Variants in NRXN3 observed in about 807,000 individuals in gnomAD.
NRXN3 encodes the protein neurexin 3, also known as neurexin III.
In NRXN3, 32 loss-of-function variants were observed where a neutral mutation model predicts 137.6. The observed-to-expected ratio is 0.23, with a 90% CI of 0.18 to 0.31. The LOEUF (loss-of-function observed/expected upper bound fraction) is 0.31, where lower values mean the gene tolerates loss of function less well. Ranked by LOEUF, NRXN3 falls within the 10% of genes least tolerant of loss-of-function variation. The pLI is 1.00. For synonymous variants in NRXN3, 798 were observed against 784.5 expected, an observed-to-expected ratio of 1.02 and a Z score of -0.29; for missense variants, 1,574 against 2,062.5, an observed-to-expected ratio of 0.76 and a Z score of 4.59.
intron 19 of NRXN3, among the ~76,000 whole-genome samples, chr14:79,783,072 C>T (rs2099118865): frequency 6.6e-6 from 1 of 152,196 alleles, no homozygotes; most frequent in African/African-American, 2.4e-5. Flanking sequence ...TTACCACTGC[C>T]TATCTTTCAG....
chr14:79,821,218 T>C (rs1342888159), intron 20 of NRXN3, among the ~76,000 whole-genome samples: 1 of 152,200 alleles, frequency 6.6e-6, no homozygotes, highest in Non-Finnish European at 1.5e-5. Flanking sequence ...TTTCTCCCTT[T>C]CTGCTTACAA....
Position 78,683,460 on chromosome 14 carries a change from C to T in NRXN3, c.1222-25757C>T, listed in dbSNP as rs542080602. ...GCAAGAGGTGCTGGTCCATTTTAGA[C>T]GTGCTTTATTTAGTTTGTAGAAAAA... On this transcript the variant is annotated intron_variant, in intron 6 of 20. Transcript: ENST00000335750. 7.9e-5 allele frequency among the ~76,000 whole-genome samples: 12 copies of T among 152,256 alleles called. No homozygotes were observed. The East Asian group carries it at 9.6e-4, about 12-fold the overall frequency.
chr14:78,318,475 G>C (rs1004602724), intron 4 of NRXN3, among the ~76,000 whole-genome samples: 32 of 152,138 alleles, frequency 2.1e-4, no homozygotes, highest in Admixed American at 2.0e-3. Flanking sequence ...TAACAGAGTG[G>C]CTCTCAGTAA....
chr14:78,942,872 C>A lies in NRXN3; in HGVS notation c.2276-14370C>A, dbSNP rs192603702. ...TATGTATCAAAACATCACTATGTAC[C>A]CTGTAAAAATGTACAATTATTTTTC... On this transcript the variant is annotated intron_variant, in intron 10 of 20. Transcript: ENST00000335750. 3.3e-3 allele frequency among the ~76,000 whole-genome samples: 505 copies of A among 151,948 alleles called. 2 individuals are homozygous for A. The highest frequency in any genetic ancestry group is 6.8e-3 in the Middle Eastern group (2 of 294).
chr14:78,487,255 C>A (rs1045109321), intron 4 of NRXN3, among the ~76,000 whole-genome samples: 1 of 151,902 alleles, frequency 6.6e-6, no homozygotes, highest in African/African-American at 2.4e-5. Context: ...CTAATTCCAC[C>A]CTGAAGAGCT....
intron 4 of NRXN3, among the ~76,000 whole-genome samples, chr14:78,545,619 A>G (rs1044264496): frequency 2.6e-5 from 4 of 152,342 alleles, no homozygotes; most frequent in African/African-American, 9.6e-5. Flanking sequence ...TTTTAGAAGA[A>G]CACTATTGTG....
chr14:79,427,321 A>G (rs2095668868), intron 15 of NRXN3, among the ~76,000 whole-genome samples: 1 of 152,178 alleles, frequency 6.6e-6, no homozygotes, highest in Non-Finnish European at 1.5e-5. Context: ...ATAACTCACT[A>G]AATTTCCTTT....
intron 15 of NRXN3, among the ~76,000 whole-genome samples, chr14:79,172,409 A>G (rs927097904): frequency 3.3e-5 from 5 of 152,092 alleles, no homozygotes; most frequent in African/African-American, 7.2e-5. Flanking sequence ...TACCTTTAAC[A>G]ATTTTGAATA....
At chr14:79,216,379 C>A (rs983479491) in intron 15 of NRXN3, among the ~76,000 whole-genome samples, 1 of 152,144 alleles carries the variant, frequency 6.6e-6, no homozygotes, top group Admixed American at 6.6e-5. Context: ...ACATTTCCAC[C>A]ACATTTCATT....
At position 79,729,637 on chromosome 14, in the gene NRXN3, G is replaced by C. The variant is rs78868137; in HGVS notation, c.4014+31700G>C. 2.2e-3 allele frequency among the ~76,000 whole-genome samples: 330 copies of C among 152,284 alleles called. 8 individuals carry two copies. The East Asian group carries it at 0.04, about 19-fold the overall frequency. ...AACTCACCTCTTAAATGAGAGAATT[G>C]AAGGAGGTGTGCTGTGTAGTCCTTT... On this transcript the variant is annotated intron_variant, in intron 19 of 20. Coordinates refer to ENST00000335750, the MANE Select transcript of NRXN3 (RefSeq NM_001330195.2).
intron 2 of NRXN3, among the ~76,000 whole-genome samples, chr14:78,263,911 G>A (rs1258692464): frequency 6.6e-6 from 1 of 150,410 alleles, no homozygotes; most frequent in African/African-American, 2.5e-5. Context: ...GTGTGTGTGT[G>A]TGTGTGTGTG....
chr14:79,365,612 G>C (rs1360394063), intron 15 of NRXN3, among the ~76,000 whole-genome samples: 11 of 150,562 alleles, frequency 7.3e-5, no homozygotes, highest in African/African-American at 2.2e-4. Flanking sequence ...CCAGCTACTC[G>C]GGAGGCTGAG....
chr14:79,020,870 C>CACACAT (rs959972747), intron 15 of NRXN3, among the ~76,000 whole-genome samples: 7 of 150,626 alleles, frequency 4.6e-5, no homozygotes, highest in Non-Finnish European at 8.9e-5. Context: ...TTTACACACA[C>CACACAT]ACACACACAC....
intron 16 of NRXN3, among the ~76,000 whole-genome samples, chr14:79,623,849 GTTTTT>G (rs571687023): frequency 2.0e-5 from 2 of 98,026 alleles, no homozygotes; most frequent in Non-Finnish European, 4.2e-5. Context: ...CTTAGCTCCT[GTTTTT>G]TTTTTTTTTT....
At chr14:78,962,357 A>G (rs1202990610) in intron 11 of NRXN3, among the ~76,000 whole-genome samples, 2 of 152,236 alleles carry the variant, frequency 1.3e-5, no homozygotes, top group East Asian at 3.9e-4. Context: ...CTTATATGGA[A>G]TTTTCAGTAG....
intron 4 of NRXN3, among the ~76,000 whole-genome samples, chr14:78,396,585 A>G (rs541096398): frequency 4.3e-4 from 65 of 152,256 alleles, no homozygotes; most frequent in South Asian, 4.2e-4. Flanking sequence ...CCTGAAGGAC[A>G]TTTTCACAGA....
chr14:79,695,324 A>G (rs1036653717), intron 18 of NRXN3, among the ~76,000 whole-genome samples: 1 of 152,040 alleles, frequency 6.6e-6, no homozygotes, highest in Admixed American at 6.6e-5. Flanking sequence ...TTTCAAGGAT[A>G]TTAGAATGTA....
intron 2 of NRXN3, among the ~76,000 whole-genome samples, chr14:78,246,862 A>G (rs997292048): frequency 6.6e-6 from 1 of 152,200 alleles, no homozygotes; most frequent in South Asian, 2.1e-4. Flanking sequence ...CATTCTCCCC[A>G]CCCAACCTCT....
intron 4 of NRXN3, among the ~76,000 whole-genome samples, chr14:78,314,906 T>C (rs865931805): frequency 2.8e-5 from 3 of 107,136 alleles, no homozygotes; most frequent in South Asian, 3.5e-4. Context: ...TTTCTTTCTT[T>C]CTTTCTTTCT....
Sources: allele counts gnomAD v4.1 joint callset (sites outside exome capture counted in the v4.1 genomes callset), GRCh38; gene constraint gnomAD v4.1.1; transcripts MANE v1.5; gene names NCBI Gene and HGNC (gene_info 2026-07-23, HGNC 2026-07-21).